L3HYPDH: variants seen among roughly 807,000 people sequenced by gnomAD.
L3HYPDH encodes the protein trans-L-3-hydroxyproline dehydratase.
A neutral mutation model predicts 26.5 loss-of-function variants in L3HYPDH; 32 were observed. That is an observed-to-expected ratio of 1.21 (90% CI 0.91 to 1.62). The LOEUF (loss-of-function observed/expected upper bound fraction) is 1.62. Among genes scored for constraint, L3HYPDH ranks in the 40% most tolerant of loss-of-function variants. The probability of loss-of-function intolerance (pLI) is 0.00; values close to 1 mark genes in which losing one functional copy is unlikely to be tolerated. For missense variants in L3HYPDH, 554 were observed against 476.4 expected (o/e 1.16, Z -1.52); for synonymous variants, 215 against 196.6 (o/e 1.09, Z -0.78).
the L3HYPDH span, chr14:59,504,255 CTG>C: frequency 1.7e-6 from 1 of 596,736 alleles, no homozygotes; most frequent in Non-Finnish European, 3.0e-6. Flanking sequence ...ATGCAAAACT[CTG>C]TAATACTCTG....
upstream of L3HYPDH, among the ~76,000 whole-genome samples, chr14:59,486,988 G>T (rs943306124): frequency 5.3e-4 from 80 of 152,256 alleles, no homozygotes; most frequent in African/African-American, 1.9e-3. Flanking sequence ...ATCACTTGAG[G>T]TCAGGAGTTC....
At chr14:59,486,480 T>G (rs1173410419), upstream of L3HYPDH, among the ~76,000 whole-genome samples, 1 of 152,232 alleles carries the variant, frequency 6.6e-6, no homozygotes, top group Admixed American at 6.5e-5. Flanking sequence ...GCTCTGCTGG[T>G]TGAGGACCTT....
chr14:59,489,694 AAT>A, the L3HYPDH span, among the ~76,000 whole-genome samples: 5 of 152,306 alleles, frequency 3.3e-5, no homozygotes, highest in East Asian at 5.8e-4. Flanking sequence ...GAGACTGGGT[AAT>A]TTATAAAGAA....
At chr14:59,487,226 TATAAA>T (rs1437741445), upstream of L3HYPDH, 1 of 154,620 alleles carries the variant, frequency 6.5e-6, no homozygotes, top group Non-Finnish European at 1.4e-5. Context: ...AATAAGGAAA[TATAAA>T]AGAATATGGA....
chr14:59,503,814 A>C, the L3HYPDH span: 1 of 1,260,614 alleles, frequency 7.9e-7, no homozygotes, highest in Non-Finnish European at 1.2e-6. Flanking sequence ...TAGCCTGATA[A>C]TCTGTATTTC....
chr14:59,469,604 A>G (rs1342904688), downstream of L3HYPDH, among the ~76,000 whole-genome samples: 1 of 146,888 alleles, frequency 6.8e-6, no homozygotes, highest in African/African-American at 2.5e-5. Context: ...GGGGTAAAAG[A>G]AGGGGAAAGG....
At chr14:59,485,625 CAGTT>C (rs1254242360), upstream of L3HYPDH, 1 of 152,716 alleles carries the variant, frequency 6.5e-6, no homozygotes, top group Non-Finnish European at 1.5e-5. Context: ...ATGTAGACCG[CAGTT>C]TGTTTTGAGA....
chr14:59,487,719 C>T (rs752777767), upstream of L3HYPDH: 46 of 1,613,034 alleles, frequency 2.9e-5, no homozygotes, highest in Non-Finnish European at 3.7e-5. Context: ...ATATTGTCAG[C>T]CTTGCACAGA....
Position 59,484,357 on chromosome 14 carries a change from G to T in L3HYPDH, c.-41C>A. 6.5e-7 allele frequency: 1 copy of T among 1,538,622 alleles called. No homozygotes were observed. Among genetic ancestry groups the T allele is most frequent in the Non-Finnish European group, 8.7e-7 (1 of 1,145,096 alleles). ...AGACGAGTACGGTCCCGCAGCTATGGCTTCAAGCCCGACCCTCACCCACTG... is the reference window on the plus strand; with the variant it reads ...AGACGAGTACGGTCCCGCAGCTATGTCTTCAAGCCCGACCCTCACCCACTG... On this transcript the variant is annotated 5_prime_UTR_variant, in exon 1 of 5. Transcript: ENST00000247194.
upstream of L3HYPDH, among the ~76,000 whole-genome samples, chr14:59,488,616 T>C (rs985056692): frequency 2.6e-5 from 4 of 152,102 alleles, no homozygotes; most frequent in African/African-American, 9.7e-5. Context: ...GTAGGAAAGA[T>C]AGGTTGAGGC....
intron 1 of L3HYPDH, 119 bp from the exon 2 acceptor site, chr14:59,479,470 AAAT>A: frequency 2.1e-6 from 2 of 958,168 alleles, no homozygotes; most frequent in South Asian, 1.5e-5. Context: ...CCTATCATAA[AAAT>A]AATGAAGTAA....
At chr14:59,481,529 G>C (rs533855079) in intron 1 of L3HYPDH, among the ~76,000 whole-genome samples, 1 of 152,214 alleles carries the variant, frequency 6.6e-6, no homozygotes, top group African/African-American at 2.4e-5. Context: ...CAAAATCTAA[G>C]GGTTTTTCTT....
At chr14:59,504,164 T>C in the L3HYPDH span, 1 of 726,382 alleles carries the variant, frequency 1.4e-6, no homozygotes, top group Non-Finnish European at 2.3e-6. Context: ...TTCTATCATA[T>C]ATGGGAACAA....
At chr14:59,474,764 T>C (rs1446134312) in intron 4 of L3HYPDH, 1 of 376,130 alleles carries the variant, frequency 2.7e-6, no homozygotes, top group South Asian at 1.1e-4. Context: ...TGAGATGGCA[T>C]GTATCAAGTG....
At chr14:59,475,845 T>C (rs1889588187) in intron 4 of L3HYPDH, 24 bp downstream of exon 4, 1 of 1,595,620 alleles carries the variant, frequency 6.3e-7, no homozygotes. Flanking sequence ...CATTTATAAA[T>C]AAGAAGCTAA....
At chr14:59,473,203 T>C (rs1262002467) in intron 4 of L3HYPDH, 113 bp from the exon 5 acceptor site, 1 of 968,208 alleles carries the variant, frequency 1.0e-6, no homozygotes. Flanking sequence ...GGGTTAATCC[T>C]ATGGGCCAGG....
At chr14:59,480,291 G>C (rs1889925979) in intron 1 of L3HYPDH, among the ~76,000 whole-genome samples, 1 of 152,186 alleles carries the variant, frequency 6.6e-6, no homozygotes, top group African/African-American at 2.4e-5. Flanking sequence ...TTAGTGCAGA[G>C]AGGACGTGTG....
At chr14:59,493,356 CT>C in the L3HYPDH span, among the ~76,000 whole-genome samples, 1 of 152,156 alleles carries the variant, frequency 6.6e-6, no homozygotes, top group African/African-American at 2.4e-5. Context: ...TGAGTTAGTC[CT>C]TTTAAATGCT....
intron 4 of L3HYPDH, chr14:59,474,894 T>C: frequency 5.9e-6 from 1 of 168,400 alleles, no homozygotes; most frequent in East Asian, 1.7e-4. Flanking sequence ...ATAAATGGTT[T>C]CACATGTTTC....
Sources: allele counts gnomAD v4.1 joint callset (sites outside exome capture counted in the v4.1 genomes callset), GRCh38; gene constraint gnomAD v4.1.1; transcripts MANE v1.5; gene names NCBI Gene and HGNC (gene_info 2026-07-23, HGNC 2026-07-21).